The following RASSF3 variants were observed in gnomAD, a reference collection of about 807,000 sequenced individuals.
The protein encoded by RASSF3 is Ras association domain family member 3, also known as ras association domain-containing protein 3.
In RASSF3, 19 loss-of-function variants were observed where a neutral mutation model predicts 19.9. The observed-to-expected ratio is 0.96, with a 90% CI of 0.67 to 1.40. The LOEUF is 1.40. RASSF3 is among the 40% of genes most tolerant of loss of function. The pLI is 0.00. For synonymous variants in RASSF3, 110 were observed against 104.2 expected (o/e 1.06, Z -0.34); for missense variants, 306 against 289.8 (o/e 1.06, Z -0.41).
chr12:64,549,837 A>G (rs10878194), intron 2 of RASSF3, among the ~76,000 whole-genome samples: 50,739 of 152,114 alleles, frequency 0.33, 10,486 homozygotes, highest in East Asian at 0.66. Context: ...AACAATAAAT[A>G]TCTAATGATT....
At chr12:64,650,666 T>C (rs1408430845) in intron 1 of RASSF3, among the ~76,000 whole-genome samples, 1 of 152,048 alleles carries the variant, frequency 6.6e-6, no homozygotes, top group Non-Finnish European at 1.5e-5. Context: ...CTGCCCGCCT[T>C]GGACTTCCAA....
intron 2 of RASSF3, among the ~76,000 whole-genome samples, chr12:64,577,807 A>G (rs1358748970): frequency 1.3e-5 from 2 of 152,216 alleles, no homozygotes; most frequent in Non-Finnish European, 2.9e-5. Context: ...CCTGCAACCA[A>G]CATTTGTTAT....
At chr12:64,646,756 T>A (rs1184693412) in intron 1 of RASSF3, among the ~76,000 whole-genome samples, 2 of 152,132 alleles carry the variant, frequency 1.3e-5, no homozygotes. Context: ...ATTTTTTTTT[T>A]TTTTCTGTTG....
chr12:64,603,632 G>A (rs1357644861), intron 2 of RASSF3, among the ~76,000 whole-genome samples: 1 of 152,138 alleles, frequency 6.6e-6, no homozygotes, highest in South Asian at 2.1e-4. Flanking sequence ...ATCCTTATAC[G>A]TAATCATATT....
intron 2 of RASSF3, among the ~76,000 whole-genome samples, chr12:64,601,561 C>G (rs564818755): frequency 3.9e-5 from 6 of 152,076 alleles, no homozygotes; most frequent in Admixed American, 1.3e-4. Context: ...CTGGGCTTGG[C>G]CTGTAACCCC....
chr12:64,684,927 C>T, intron 2 of RASSF3, 33 bp downstream of exon 2: 3 of 1,209,254 alleles, frequency 2.5e-6, no homozygotes, highest in Non-Finnish European at 3.7e-6. Flanking sequence ...AGGTTGACAC[C>T]TGTCAAAAGA....
intron 1 of RASSF3, among the ~76,000 whole-genome samples, chr12:64,676,166 ATTTTTT>A (rs35376691): frequency 3.3e-3 from 349 of 106,420 alleles, no homozygotes; most frequent in Admixed American, 4.3e-3. Context: ...CAGGAGTAGA[ATTTTTT>A]TTTTTTTTTT....
In RASSF3 at chr12:64,621,966, G is replaced by A. The variant is rs529575845; in HGVS notation, c.111+11223G>A. On this transcript the variant is annotated intron_variant, in intron 1 of 4. Transcript: ENST00000542104. ...CTAACCATGTGTTTTAAAAAAAAGGGTGACTAGAAGTTCCTGTTTATCTTT... is the reference window on the plus strand; with the variant it reads ...CTAACCATGTGTTTTAAAAAAAAGGATGACTAGAAGTTCCTGTTTATCTTT... Among the ~76,000 whole-genome samples, 37 of 152,244 alleles carry A rather than the reference G, an allele frequency of 2.4e-4. No individual in the cohort carries two copies. The South Asian group carries it at 7.7e-3, about 32-fold the overall frequency.
intron 1 of RASSF3, among the ~76,000 whole-genome samples, chr12:64,639,987 C>T (rs968194545): frequency 2.6e-5 from 4 of 152,216 alleles, no homozygotes; most frequent in African/African-American, 7.2e-5. Context: ...TAAAGGTAAA[C>T]TGCATTTATG....
intron 1 of RASSF3, among the ~76,000 whole-genome samples, chr12:64,541,184 C>T (rs911674982): frequency 5.7e-4 from 87 of 151,684 alleles, no homozygotes; most frequent in African/African-American, 2.1e-3. Flanking sequence ...TGGGGTTTCG[C>T]CATGTTGCCC....
At chr12:64,644,905 C>A (rs1403542567) in intron 1 of RASSF3, among the ~76,000 whole-genome samples, 1 of 151,626 alleles carries the variant, frequency 6.6e-6, no homozygotes, top group Non-Finnish European at 1.5e-5. Flanking sequence ...CCTGTCTCTA[C>A]AAAATAAAAA....
intron 1 of RASSF3, among the ~76,000 whole-genome samples, chr12:64,653,455 C>T (rs942125132): frequency 6.6e-6 from 1 of 152,156 alleles, no homozygotes; most frequent in African/African-American, 2.4e-5. Flanking sequence ...AACATTTTAA[C>T]TTGATGACCT....
chr12:64,663,030 C>A (rs1872424185), intron 1 of RASSF3, among the ~76,000 whole-genome samples: 1 of 152,094 alleles, frequency 6.6e-6, no homozygotes, highest in South Asian at 2.1e-4. Context: ...TTATAAAACG[C>A]AGACCTTTAA....
At chr12:64,565,507 G>A (rs1869414359) in intron 2 of RASSF3, among the ~76,000 whole-genome samples, 1 of 152,332 alleles carries the variant, frequency 6.6e-6, no homozygotes, top group African/African-American at 2.4e-5. Context: ...GAGGTCAGGA[G>A]TTTGAGACTA....
At chr12:64,686,262 T>C (rs537235678) in intron 2 of RASSF3, among the ~76,000 whole-genome samples, 1 of 152,120 alleles carries the variant, frequency 6.6e-6, no homozygotes, top group South Asian at 2.1e-4. Flanking sequence ...AATTTTAGGC[T>C]GGGCACAGTG....
At chr12:64,567,616 C>A (rs918209511) in intron 2 of RASSF3, among the ~76,000 whole-genome samples, 2 of 152,212 alleles carry the variant, frequency 1.3e-5, no homozygotes, top group African/African-American at 4.8e-5. Flanking sequence ...ACGGCTCAGC[C>A]ACAGTGGGCT....
At position 64,561,809 on chromosome 12, in the gene RASSF3, C is replaced by G. The variant is rs553432547; in HGVS notation, c.294+20104C>G. Among the ~76,000 whole-genome samples the G allele has an allele frequency of 2.1e-5, 3 of 145,622 alleles. No individual in the cohort carries two copies. The East Asian group carries it at 6.1e-4, about 30-fold the overall frequency. On this transcript the variant is annotated intron_variant, in intron 2 of 5. Coordinates refer to the RASSF3 transcript ENST00000637125. Reference sequence around the variant, plus strand: ...CTGGGTTCAAATGATTCTTGTGTCTCAGCCTCCCGAGTAGCTGGGATTACA... The same window carrying G: ...CTGGGTTCAAATGATTCTTGTGTCTGAGCCTCCCGAGTAGCTGGGATTACA...
intron 1 of RASSF3, among the ~76,000 whole-genome samples, chr12:64,534,529 T>G (rs1200998544): frequency 6.6e-6 from 1 of 152,006 alleles, no homozygotes; most frequent in Non-Finnish European, 1.5e-5. Context: ...AAATCAAATA[T>G]TAAGTAAAAG....
rs1383507924 is a variant in RASSF3 at position 64,688,388 on chromosome 12, A to G, written c.392A>G (p.Lys131Arg). ...VGEVIEALLK[K>R]FLVTESPAKF... ...GAAGTGATCGAGGCCCTGCTCAAAA[A>G]GTTTCTCGTGACTGAGAGCCCTGCC... Residue 131 changes from lysine to arginine, a missense_variant, in exon 3 of 5, where the codon AAG (lysine) becomes AGG (arginine). Lys to Arg is a conservative substitution (Grantham distance 26). Coordinates refer to ENST00000542104, the MANE Select transcript of RASSF3 (RefSeq NM_178169.4). The G allele has an allele frequency of 1.9e-6, 3 of 1,614,228 alleles. No homozygotes were observed. Among genetic ancestry groups the G allele is most frequent in the East Asian group, 2.2e-5 (1 of 44,884 alleles).
Sources: gnomAD v4.1 joint callset for allele counts (sites outside exome capture counted in the v4.1 genomes callset) on GRCh38, gnomAD v4.1.1 for gene constraint, MANE v1.5 for transcripts, NCBI Gene and HGNC (gene_info 2026-07-23, HGNC 2026-07-21) for gene names.